Variants in RIMS2 observed in about 807,000 individuals in gnomAD.
The protein encoded by RIMS2 is regulating synaptic membrane exocytosis 2.
A neutral mutation model predicts 174.4 loss-of-function variants in RIMS2; 59 were observed. That is an observed-to-expected ratio of 0.34 (90% CI 0.27 to 0.42). RIMS2 has a LOEUF of 0.42. RIMS2 is among the 10% of genes least tolerant of loss of function. The pLI is 1.00. For missense variants in RIMS2, 1,620 were observed against 1,666.3 expected, an observed-to-expected ratio of 0.97 and a Z score of 0.48; for synonymous variants, 606 against 572.5, an observed-to-expected ratio of 1.06 and a Z score of -0.84.
chr8:103,521,681 C>A (rs972943942), intron 1 of RIMS2, among the ~76,000 whole-genome samples: 1 of 151,892 alleles, frequency 6.6e-6, no homozygotes, highest in South Asian at 2.1e-4. Flanking sequence ...ATTTTTGCTC[C>A]GGTGTCATGC....
chr8:103,553,757 TA>T (rs34719194), intron 1 of RIMS2, among the ~76,000 whole-genome samples: 17,647 of 151,578 alleles, frequency 0.12, 1,366 homozygotes, highest in Non-Finnish European at 0.17. Flanking sequence ...CAATCCTAAG[TA>T]AAAAAACAAA....
intron 2 of RIMS2, among the ~76,000 whole-genome samples, chr8:103,708,588 C>A (rs2097262755): frequency 6.6e-6 from 1 of 152,164 alleles, no homozygotes; most frequent in African/African-American, 2.4e-5. Flanking sequence ...CTTTCACCAT[C>A]TTGCTCCACC....
intron 2 of RIMS2, among the ~76,000 whole-genome samples, chr8:103,725,300 T>C (rs941444277): frequency 2.0e-4 from 30 of 152,200 alleles, no homozygotes; most frequent in Middle Eastern, 3.2e-3. Flanking sequence ...TTGAAAGATA[T>C]GTATATTCCC....
chr8:104,111,427 A>T (rs1486896200), intron 19 of RIMS2, among the ~76,000 whole-genome samples: 1 of 152,162 alleles, frequency 6.6e-6, no homozygotes, highest in African/African-American at 2.4e-5. Context: ...TTTGTTTTTG[A>T]GACAGAGTCT....
intron 19 of RIMS2, among the ~76,000 whole-genome samples, chr8:104,059,782 G>A (rs1035189687): frequency 7.4e-4 from 113 of 152,048 alleles, no homozygotes; most frequent in Admixed American, 3.9e-3. Context: ...AGCATGAAGG[G>A]TTGTTGAATT....
intron 19 of RIMS2, among the ~76,000 whole-genome samples, chr8:104,047,535 C>T (rs2096715271): frequency 6.6e-6 from 1 of 152,000 alleles, no homozygotes; most frequent in Admixed American, 6.6e-5. Flanking sequence ...TATAGTACTA[C>T]CTCAAATGGT....
chr8:104,137,448 A>G (rs1034947711), intron 19 of RIMS2, among the ~76,000 whole-genome samples: 1 of 152,208 alleles, frequency 6.6e-6, no homozygotes, highest in African/African-American at 2.4e-5. Context: ...TATTCAACAT[A>G]TATTTGCTGA....
At chr8:103,700,460 A>G (rs2097154680) in intron 2 of RIMS2, among the ~76,000 whole-genome samples, 4 of 151,916 alleles carry the variant, frequency 2.6e-5, no homozygotes, top group Admixed American at 2.6e-4. Flanking sequence ...AATTGCATAT[A>G]TGTATTGGGT....
chr8:103,614,976 T>C (rs2095471953), intron 1 of RIMS2, among the ~76,000 whole-genome samples: 1 of 152,212 alleles, frequency 6.6e-6, no homozygotes, highest in South Asian at 2.1e-4. Flanking sequence ...GAAATTTCTA[T>C]CTCATTACAT....
chr8:103,553,426 T>C (rs1848967336), intron 1 of RIMS2, among the ~76,000 whole-genome samples: 1 of 151,618 alleles, frequency 6.6e-6, no homozygotes, highest in South Asian at 2.1e-4. Flanking sequence ...GTGGGGAATA[T>C]CAAACACTGG....
At chr8:103,728,748 C>CTTTTTTTTTTTTTTTTTTTTTT (rs71575982) in intron 2 of RIMS2, among the ~76,000 whole-genome samples, 6 of 92,660 alleles carry the variant, frequency 6.5e-5, no homozygotes, top group African/African-American at 9.5e-5. Flanking sequence ...TATGCTCCTT[C>CTTTTTTTTTTTTTTTTTTTTTT]TTTTTTTTTT....
At chr8:103,739,071 C>T (rs999399705) in intron 2 of RIMS2, among the ~76,000 whole-genome samples, 1 of 152,184 alleles carries the variant, frequency 6.6e-6, no homozygotes, top group African/African-American at 2.4e-5. Context: ...TATAAAGACA[C>T]ATGCACACGT....
chr8:104,063,395 A>G (rs117759871), intron 19 of RIMS2, among the ~76,000 whole-genome samples: 86 of 152,316 alleles, frequency 5.6e-4, no homozygotes, highest in Non-Finnish European at 1.1e-3. Flanking sequence ...AAACAACTCC[A>G]CATATGACTG....
chr8:103,797,656 T>C (rs1250473751), intron 3 of RIMS2, among the ~76,000 whole-genome samples: 1 of 152,204 alleles, frequency 6.6e-6, no homozygotes, highest in Non-Finnish European at 1.5e-5. Flanking sequence ...GATTGATCTT[T>C]AGTGTTCGAT....
At chr8:103,552,118 A>T (rs1848233624) in intron 1 of RIMS2, among the ~76,000 whole-genome samples, 1 of 152,178 alleles carries the variant, frequency 6.6e-6, no homozygotes, top group South Asian at 2.1e-4. Flanking sequence ...GTTCATATAG[A>T]ACCAAAAAAG....
intron 2 of RIMS2, among the ~76,000 whole-genome samples, chr8:103,751,886 A>G (rs2097897613): frequency 6.6e-6 from 1 of 151,822 alleles, no homozygotes. Flanking sequence ...ATTTTCTCCC[A>G]TTTTGTAGGT....
intron 1 of RIMS2, among the ~76,000 whole-genome samples, chr8:103,659,661 C>T (rs1268828536): frequency 1.3e-5 from 2 of 152,234 alleles, no homozygotes; most frequent in African/African-American, 4.8e-5. Flanking sequence ...GGAAAAGCAG[C>T]CCCCGCTCCT....
chr8:103,750,310 T>C (rs994453397), intron 2 of RIMS2, among the ~76,000 whole-genome samples: 3 of 152,160 alleles, frequency 2.0e-5, no homozygotes, highest in African/African-American at 7.2e-5. Flanking sequence ...CCATCACATA[T>C]TTACTGATTC....
intron 17 of RIMS2, among the ~76,000 whole-genome samples, chr8:104,006,869 C>T (rs1047719457): frequency 1.3e-5 from 2 of 151,760 alleles, no homozygotes; most frequent in African/African-American, 4.8e-5. Context: ...GTTAATAGAT[C>T]ATCATTTCAT....
Sources: gnomAD v4.1 joint callset for allele counts (sites outside exome capture counted in the v4.1 genomes callset) on GRCh38, gnomAD v4.1.1 for gene constraint, MANE v1.5 for transcripts, NCBI Gene and HGNC (gene_info 2026-07-23, HGNC 2026-07-21) for gene names.